The following TMEM177 variants were observed in gnomAD, a reference collection of about 807,000 sequenced individuals.
TMEM177 encodes the protein transmembrane protein 177.
Under a neutral mutation model 14.2 loss-of-function variants are expected in TMEM177, and 4 were observed. The ratio of observed to expected loss-of-function variants is 0.28; its 90% CI spans 0.14 to 0.64. TMEM177 has a LOEUF of 0.64. Ranked by LOEUF, TMEM177 falls within the 30% of genes least tolerant of loss-of-function variation. The probability of loss-of-function intolerance (pLI) is 0.82; values close to 1 mark genes in which losing one functional copy is unlikely to be tolerated. For missense variants in TMEM177, 344 were observed against 405.2 expected, an observed-to-expected ratio of 0.85 and a Z score of 1.30; for synonymous variants, 179 against 174.5, an observed-to-expected ratio of 1.03 and a Z score of -0.20.
At chr2:119,703,965 C>G in the TMEM177 span, among the ~76,000 whole-genome samples, 2 of 152,218 alleles carry the variant, frequency 1.3e-5, no homozygotes, top group Admixed American at 6.5e-5. Context: ...TCTGAAGCAT[C>G]AGTATGAATG....
the TMEM177 span, among the ~76,000 whole-genome samples, chr2:119,720,864 G>C: frequency 2.6e-5 from 4 of 152,270 alleles, no homozygotes; most frequent in East Asian, 1.9e-4. Context: ...ATTCAAACTG[G>C]CTTAAATAAT....
rs752846933 is a variant in TMEM177, at chr2:119,681,108, C to T, written c.255C>T (p.Thr85=). Reference sequence around the variant, plus strand: ...GCCATTGCTACAAGCCCTTCACCACCTTCACCTTCCAACCTGTGAGTGCAG... The same window carrying T: ...GCCATTGCTACAAGCCCTTCACCACTTTCACCTTCCAACCTGTGAGTGCAG... ...PSGHCYKPFT[T]FTFQPVSAGF... The change falls in exon 2 of 2, where the codon ACC becomes ACT. Residue 85 remains threonine, a synonymous_variant. Transcript: ENST00000272521. 1 of 1,614,270 alleles carries T rather than the reference C, an allele frequency of 6.2e-7. No homozygotes were observed. Among genetic ancestry groups the T allele is most frequent in the Non-Finnish European group, 8.5e-7 (1 of 1,180,050 alleles).
At chr2:119,712,019 G>C in the TMEM177 span, among the ~76,000 whole-genome samples, 1 of 152,102 alleles carries the variant, frequency 6.6e-6, no homozygotes, top group African/African-American at 2.4e-5. Context: ...GACAGAGACA[G>C]GTCCAGAGCC....
Position 119,682,049 on chromosome 2 carries a change from G to A in TMEM177, c.*260G>A, listed in dbSNP as rs1423203691. 2.3e-6 allele frequency: 1 copy of A among 440,490 alleles called. No homozygotes were observed. Among genetic ancestry groups the A allele is most frequent in the Non-Finnish European group, 4.2e-6 (1 of 239,048 alleles). The allele number at this position is 440,490 out of a possible 1,614,324, so 27.3% of individuals were successfully genotyped here. ...GTAAACCGCCTTGCAAGATTGTAGA[G>A]TTGGGTAAGGTCATGAACATAAGGG... On this transcript the variant is annotated 3_prime_UTR_variant, in exon 2 of 2. Transcript: ENST00000272521.
At chr2:119,711,146 C>T in the TMEM177 span, among the ~76,000 whole-genome samples, 2 of 152,212 alleles carry the variant, frequency 1.3e-5, no homozygotes, top group South Asian at 4.2e-4. Flanking sequence ...CTGAGGGAAG[C>T]GCAGGCAGTG....
At chr2:119,702,698 A>G in the TMEM177 span, among the ~76,000 whole-genome samples, 6 of 152,240 alleles carry the variant, frequency 3.9e-5, no homozygotes, top group Non-Finnish European at 7.3e-5. Flanking sequence ...GGATCAGGGG[A>G]AAAGGGCATA....
the TMEM177 span, among the ~76,000 whole-genome samples, chr2:119,711,733 G>A: frequency 2.0e-5 from 3 of 152,180 alleles, no homozygotes; most frequent in East Asian, 1.9e-4. Context: ...TCGACAAGGC[G>A]CTGGGGAAAA....
Position 119,681,097 on chromosome 2 carries a change from C to G in TMEM177, c.244C>G (p.Pro82Ala), listed in dbSNP as rs781402306. 6 of 1,614,140 alleles carry G rather than the reference C, an allele frequency of 3.7e-6. No individual in the cohort carries two copies. The Admixed American group carries it at 1.0e-4, about 27-fold the overall frequency. The change falls in exon 2 of 2, where the codon CCC (proline) becomes GCC (alanine). Residue 82 changes from proline (P) to alanine (A), a missense_variant. By Grantham distance (27) the Pro-to-Ala change is conservative. Transcript: ENST00000272521. ...TGTTCCTTCAGGCCATTGCTACAAG[C>G]CCTTCACCACCTTCACCTTCCAACC... ...IGVPSGHCYK[P>A]FTTFTFQPVS...
Position 119,680,945 on chromosome 2 carries a change from C to T in TMEM177, c.92C>T (p.Pro31Leu), listed in dbSNP as rs141059999. The T allele has an allele frequency of 8.3e-5, 134 of 1,614,222 alleles. No individual in the cohort carries two copies. The African/African-American group carries it at 1.6e-3, about 19-fold the overall frequency. ...VGSCAGLFGV[P>L]ISYHLFPDPV... ...TCCTGTGCAGGCCTGTTTGGAGTTC[C>T]AATCTCGTACCACCTCTTCCCGGAT... is the stretch of plus-strand genomic sequence containing the variant. The change falls in exon 2 of 2, where the codon CCA becomes CTA. Residue 31 changes from proline (P) to leucine (L), a missense_variant. Pro to Leu is a moderately conservative substitution (Grantham distance 98). Coordinates refer to ENST00000272521, the MANE Select transcript of TMEM177 (RefSeq NM_030577.3).
At chr2:119,720,127 C>G in the TMEM177 span, among the ~76,000 whole-genome samples, 5 of 151,628 alleles carry the variant, frequency 3.3e-5, no homozygotes, top group East Asian at 9.8e-4. Flanking sequence ...TAAAATAATG[C>G]AAATATCCAA....
At chr2:119,688,945 A>G (rs1162212884), downstream of TMEM177, among the ~76,000 whole-genome samples, 1 of 152,170 alleles carries the variant, frequency 6.6e-6, no homozygotes, top group Non-Finnish European at 1.5e-5. Flanking sequence ...TGGGGACAGT[A>G]CTGCTGCAAG....
chr2:119,710,676 C>A, the TMEM177 span, among the ~76,000 whole-genome samples: 1 of 151,618 alleles, frequency 6.6e-6, no homozygotes, highest in Non-Finnish European at 1.5e-5. Flanking sequence ...GTGGCACGAT[C>A]TCGGCTCACT....
chr2:119,704,168 A>G, the TMEM177 span, among the ~76,000 whole-genome samples: 1 of 152,242 alleles, frequency 6.6e-6, no homozygotes, highest in Non-Finnish European at 1.5e-5. Flanking sequence ...GCATGGTCTA[A>G]TAATGTCTCC....
the TMEM177 span, among the ~76,000 whole-genome samples, chr2:119,702,858 A>G: frequency 1.3e-5 from 2 of 152,246 alleles, no homozygotes; most frequent in South Asian, 2.1e-4. Context: ...ACAGTCCTCT[A>G]TCCCAGGGAT....
chr2:119,711,355 G>A, the TMEM177 span, among the ~76,000 whole-genome samples: 3 of 152,130 alleles, frequency 2.0e-5, no homozygotes, highest in African/African-American at 7.2e-5. Context: ...TAAGTAAGTT[G>A]TTTAATCTCT....
At chr2:119,683,770 G>A (rs1046691664), downstream of TMEM177, among the ~76,000 whole-genome samples, 4 of 151,944 alleles carry the variant, frequency 2.6e-5, no homozygotes, top group African/African-American at 9.7e-5. Flanking sequence ...ATGTGTGTGC[G>A]TGTGTGTGCG....
chr2:119,712,526 C>T, the TMEM177 span, among the ~76,000 whole-genome samples: 1 of 152,086 alleles, frequency 6.6e-6, no homozygotes, highest in African/African-American at 2.4e-5. Flanking sequence ...GATGCATGGG[C>T]TCAGAGAAAA....
the TMEM177 span, among the ~76,000 whole-genome samples, chr2:119,718,510 A>G: frequency 1.3e-5 from 2 of 152,066 alleles, no homozygotes; most frequent in Non-Finnish European, 2.9e-5. Flanking sequence ...TTTTCTTACT[A>G]TTTTCCCAAC....
chr2:119,680,510 G>A (rs1197211045), intron 1 of TMEM177, among the ~76,000 whole-genome samples: 1 of 152,168 alleles, frequency 6.6e-6, no homozygotes, highest in Non-Finnish European at 1.5e-5. Context: ...GCCCAGCGAT[G>A]GGAATAAAAG....
Sources: gnomAD v4.1 joint callset for allele counts (sites outside exome capture counted in the v4.1 genomes callset) on GRCh38, gnomAD v4.1.1 for gene constraint, MANE v1.5 for transcripts, NCBI Gene and HGNC (gene_info 2026-07-23, HGNC 2026-07-21) for gene names.